DNAH5: variants seen among roughly 807,000 people sequenced by gnomAD.
DNAH5 encodes the protein axonemal beta dynein heavy chain 5.
Under a neutral mutation model 518.2 loss-of-function variants are expected in DNAH5, and 372 were observed. The ratio of observed to expected loss-of-function variants is 0.72; its 90% confidence interval spans 0.66 to 0.78. DNAH5 has a LOEUF of 0.78. DNAH5 is among the 30% of genes least tolerant of loss of function. DNAH5 has a pLI of 0.00. For missense variants in DNAH5, 5,523 were observed against 5,687.0 expected (o/e 0.97, Z 0.93); for synonymous variants, 2,039 against 2,025.9 (o/e 1.01, Z -0.17).
intron 78 of DNAH5, 47 bp from the exon 79 acceptor site, chr5:13,692,182 G>C: frequency 6.2e-7 from 1 of 1,602,484 alleles, no homozygotes; most frequent in Non-Finnish European, 8.5e-7. Context: ...TTCCACTTTA[G>C]AGCCCAAGGA....
intron 46 of DNAH5, 61 bp from the exon 47 acceptor site, chr5:13,807,786 T>C (rs1759869607): frequency 6.9e-7 from 1 of 1,445,550 alleles, no homozygotes; most frequent in Non-Finnish European, 9.5e-7. Context: ...GGGCTGAATT[T>C]GTCCCCCCAA....
Position 13,758,964 on chromosome 5 carries a change from T to C in DNAH5, c.10301A>G (p.Glu3434Gly), listed in dbSNP as rs1751407075. The change falls in exon 61 of 79, where the codon GAG (glutamate) becomes GGG (glycine). Residue 3434 changes from glutamate to glycine, a missense_variant. Glu to Gly is a moderately conservative substitution (Grantham distance 98). Around this residue, in one of 3 missense-constraint regions of DNAH5, gnomAD observed 5,121 missense variants for 5,223.3 expected, o/e 0.98. Coordinates refer to ENST00000265104, the MANE Select transcript of DNAH5 (RefSeq NM_001369.3). Reference sequence around the variant, plus strand: ...CTGCATGGCCAGGAGATGGCGATTCTCTTGCACCACCAAGTTGGCCTGCAC... The same window carrying C: ...CTGCATGGCCAGGAGATGGCGATTCCCTTGCACCACCAAGTTGGCCTGCAC... Reference protein sequence around the residue: ...LPLKANLVVQENRHLLAMQDL... With the variant: ...LPLKANLVVQGNRHLLAMQDL... 1.2e-6 allele frequency: 2 copies of C among 1,614,158 alleles called. No homozygotes were observed. The highest frequency in any genetic ancestry group is 4.5e-5 in the East Asian group (2 of 44,888).
intron 28 of DNAH5, among the ~76,000 whole-genome samples, chr5:13,863,286 T>C (rs988917496): frequency 6.6e-6 from 1 of 152,118 alleles, no homozygotes; most frequent in Non-Finnish European, 1.5e-5. Context: ...TTTACACCCA[T>C]GACTTCAATC....
chr5:13,739,611 G>T (rs2896104), intron 65 of DNAH5, among the ~76,000 whole-genome samples: 109,217 of 152,056 alleles, frequency 0.72, 39,526 homozygotes, highest in East Asian at 0.84. Context: ...TCTAGAGTGA[G>T]GCAGTGATGA....
intron 78 of DNAH5, 104 bp from the exon 79 acceptor site, chr5:13,692,239 G>C: frequency 7.6e-7 from 1 of 1,315,586 alleles, no homozygotes; most frequent in Non-Finnish European, 1.1e-6. Context: ...TTCAAAAACA[G>C]ATGGGTTTGG....
intron 1 of DNAH5, among the ~76,000 whole-genome samples, chr5:13,973,787 C>T (rs1311730261): frequency 6.6e-6 from 1 of 151,848 alleles, no homozygotes; most frequent in Non-Finnish European, 1.5e-5. Flanking sequence ...AGAAGGCTCT[C>T]GTGTGCGAAT....
chr5:13,919,472 T>G, intron 6 of DNAH5, 120 bp from the exon 7 acceptor site: 34 of 1,118,056 alleles, frequency 3.0e-5, no homozygotes, highest in Non-Finnish European at 3.6e-5. Context: ...TATATGCGTA[T>G]TCCATGCTTC....
Position 13,768,997 on chromosome 5 carries a change from G to T in DNAH5, c.9860C>A (p.Ala3287Glu). 1 of 1,614,156 alleles carries T rather than the reference G, an allele frequency of 6.2e-7. No individual in the cohort carries two copies. Among genetic ancestry groups the T allele is most frequent in the Non-Finnish European group, 8.5e-7 (1 of 1,180,016 alleles). Residue 3287 changes from alanine (A) to glutamate (E), a missense_variant, in exon 58 of 79, where the codon GCA becomes GAA. Coordinates refer to ENST00000265104, the MANE Select transcript of DNAH5 (RefSeq NM_001369.3). ...TTCTGCCTCTTCTAAAGCTGGTTTT[G>T]CTGCTTCCAGTTTTTCTTCAGCAAT... Reference protein sequence around the residue: ...KAIAEEKLEAAKPALEEAEAA... With the variant: ...KAIAEEKLEAEKPALEEAEAA...
In DNAH5 at chr5:13,870,399, T is replaced by C. The variant is rs79776818; in HGVS notation, c.3834+368A>G. Among the ~76,000 whole-genome samples the C allele has an allele frequency of 8.4e-3, 1,279 of 152,242 alleles. 20 individuals are homozygous for C. The highest frequency in any genetic ancestry group is 0.029 in the African/African-American group (1,211 of 41,532). On this transcript the variant is annotated intron_variant, in intron 24 of 78. Transcript: ENST00000265104. ...AGTAGAAAGGGTAGTCTCCTTTGCA[T>C]GAAGGAGGGCCCAACTCAATTGATG...
chr5:13,807,619 G>T lies in DNAH5; in HGVS notation c.7859C>A (p.Ser2620Tyr), dbSNP rs1195785751. Residue 2620 changes from serine (S) to tyrosine (Y), a missense_variant, in exon 47 of 79, where the codon TCT becomes TAT. This residue lies in a region of DNAH5 where 5,121 missense variants were observed against 5,223.3 expected (regional missense o/e 0.98). Transcript: ENST00000265104. ...ECHMIKSLNF[S>Y]SATTPLMFQR... is the part of the protein sequence containing the mutation. The stretch of plus-strand genomic sequence containing the variant: ...GAACATCAGTGGGGTGGTTGCAGAA[G>T]AAAAATTCAGACTCTTGATCATGTG... 1.9e-6 allele frequency: 3 copies of T among 1,613,438 alleles called. No homozygotes were observed. Among genetic ancestry groups the T allele is most frequent in the Non-Finnish European group, 2.5e-6 (3 of 1,179,718 alleles).
chr5:13,970,993 C>CT (rs1220078258), intron 1 of DNAH5, among the ~76,000 whole-genome samples: 4 of 151,456 alleles, frequency 2.6e-5, no homozygotes, highest in African/African-American at 4.8e-5. Context: ...TTTCTTTTTT[C>CT]TTTGTCTTTG....
chr5:13,789,843 C>T (rs893550944), intron 50 of DNAH5, among the ~76,000 whole-genome samples: 35 of 152,306 alleles, frequency 2.3e-4, no homozygotes, highest in African/African-American at 8.2e-4. Context: ...CGCCGCTAAA[C>T]TGACTCTCAC....
At chr5:13,799,785 G>A (rs181132714) in intron 47 of DNAH5, among the ~76,000 whole-genome samples, 77 of 152,122 alleles carry the variant, frequency 5.1e-4, no homozygotes, top group Admixed American at 8.5e-4. Context: ...GAGATATCTT[G>A]GGGATGGAAC....
intron 1 of DNAH5, among the ~76,000 whole-genome samples, chr5:13,988,731 T>A (rs992573548): frequency 6.8e-6 from 1 of 147,882 alleles, no homozygotes; most frequent in South Asian, 2.2e-4. Context: ...CCAAATCTTT[T>A]TTTTTTTTGA....
At chr5:13,751,518 T>A in intron 64 of DNAH5, among the ~76,000 whole-genome samples, 1 of 152,144 alleles carries the variant, frequency 6.6e-6, no homozygotes, top group South Asian at 2.1e-4. Context: ...AACACCAAAA[T>A]TGTTATGATC....
chr5:13,838,328 C>T (rs1321609937), intron 35 of DNAH5, among the ~76,000 whole-genome samples: 1 of 152,162 alleles, frequency 6.6e-6, no homozygotes, highest in Admixed American at 6.5e-5. Context: ...CTGTTAGGAA[C>T]CGGGCCACAC....
chr5:13,904,292 AT>A (rs1205384622), intron 12 of DNAH5, among the ~76,000 whole-genome samples: 5 of 150,322 alleles, frequency 3.3e-5, no homozygotes, highest in Non-Finnish European at 7.4e-5. Context: ...TAAACTTGCA[AT>A]TAAAGGAAAG....
At chr5:13,867,445 C>T (rs1315618901) in intron 25 of DNAH5, among the ~76,000 whole-genome samples, 2 of 152,094 alleles carry the variant, frequency 1.3e-5, no homozygotes, top group Admixed American at 6.6e-5. Flanking sequence ...GAAGAAGGTG[C>T]CTTGCTTCCC....
chr5:13,725,972 C>G (rs1220374749), intron 70 of DNAH5, among the ~76,000 whole-genome samples: 1 of 152,160 alleles, frequency 6.6e-6, no homozygotes, highest in African/African-American at 2.4e-5. Context: ...TTTTAAGACA[C>G]AAATGTGTAC....
Sources: gnomAD v4.1 joint callset for allele counts (sites outside exome capture counted in the v4.1 genomes callset) on GRCh38, gnomAD v4.1.1 for gene constraint, gnomAD v4.1.1 regional missense constraint, MANE v1.5 for transcripts, NCBI Gene and HGNC (gene_info 2026-07-23, HGNC 2026-07-21) for gene names.